Variants in RALGAPA2 observed in about 807,000 individuals in gnomAD.
RALGAPA2 encodes the protein Ral GTPase activating protein catalytic subunit alpha 2.
RALGAPA2 carries 139 observed loss-of-function variants against 230.4 expected under a neutral mutation model. That is an observed-to-expected ratio of 0.60 (90% CI 0.53 to 0.69). The LOEUF (loss-of-function observed/expected upper bound fraction) is 0.69. Ranked by LOEUF, RALGAPA2 falls within the 30% of genes least tolerant of loss-of-function variation. The pLI is 0.00. For missense variants in RALGAPA2, 2,163 were observed against 2,276.0 expected (o/e 0.95, Z 1.01); for synonymous variants, 847 against 837.8 (o/e 1.01, Z -0.19).
At chr20:20,446,200 A>T (rs1278095492) in intron 37 of RALGAPA2, among the ~76,000 whole-genome samples, 1 of 152,212 alleles carries the variant, frequency 6.6e-6, no homozygotes, top group Non-Finnish European at 1.5e-5. Flanking sequence ...GTGAACTGTT[A>T]AAACTCACAT....
chr20:20,664,029 G>C (rs2067873422), intron 3 of RALGAPA2, among the ~76,000 whole-genome samples: 1 of 152,226 alleles, frequency 6.6e-6, no homozygotes, highest in Admixed American at 6.5e-5. Context: ...CTGGACAAAA[G>C]AATGATTCAT....
intron 12 of RALGAPA2, among the ~76,000 whole-genome samples, chr20:20,618,323 ACGCAGGTC>A (rs1483851053): frequency 6.6e-6 from 1 of 152,256 alleles, no homozygotes; most frequent in Non-Finnish European, 1.5e-5. Context: ...TCTGATGGGG[ACGCAGGTC>A]ATACTTATGA....
intron 24 of RALGAPA2, among the ~76,000 whole-genome samples, chr20:20,544,423 G>A (rs1274074385): frequency 1.3e-5 from 2 of 152,066 alleles, no homozygotes; most frequent in Non-Finnish European, 2.9e-5. Flanking sequence ...TGGTGGGAGT[G>A]TAAATTAGTT....
intron 4 of RALGAPA2, among the ~76,000 whole-genome samples, chr20:20,651,585 C>T (rs1229393400): frequency 6.6e-6 from 1 of 152,124 alleles, no homozygotes. Context: ...CTTGTACCAG[C>T]AATTTTAACC....
At chr20:20,587,597 T>C (rs1332889045) in intron 18 of RALGAPA2, among the ~76,000 whole-genome samples, 1 of 152,028 alleles carries the variant, frequency 6.6e-6, no homozygotes. Flanking sequence ...TCCTGTGTAG[T>C]TGAGACTTTT....
At chr20:20,429,119 C>T (rs2060450848) in intron 37 of RALGAPA2, among the ~76,000 whole-genome samples, 1 of 152,056 alleles carries the variant, frequency 6.6e-6, no homozygotes, top group Non-Finnish European at 1.5e-5. Flanking sequence ...CCATTGGGTC[C>T]TCCTGCAAAA....
intron 23 of RALGAPA2, among the ~76,000 whole-genome samples, chr20:20,565,932 A>G (rs1320572142): frequency 6.6e-6 from 1 of 152,184 alleles, no homozygotes; most frequent in Non-Finnish European, 1.5e-5. Context: ...AGAGACTTCT[A>G]TGAGGGTGTT....
chr20:20,572,958 C>T lies in RALGAPA2; in HGVS notation c.2818G>A (p.Gly940Arg), dbSNP rs764169666. 30 of 1,595,428 alleles carry T rather than the reference C, an allele frequency of 1.9e-5. No homozygotes were observed. The highest frequency in any genetic ancestry group is 3.5e-5 in the Admixed American group (2 of 57,570). The change falls in exon 21 of 40, where the codon GGA (glycine) becomes AGA (arginine). Residue 940 changes from glycine (G) to arginine (R), a missense_variant. Physicochemically the swap from Gly to Arg is moderately radical, Grantham distance 125. Coordinates refer to ENST00000202677, the MANE Select transcript of RALGAPA2 (RefSeq NM_020343.4). ...VLWRRVLGIL[G>R]DVNNIQSPKI... ...GGTGACTGGATGTTATTCACATCTCCGAGGATCCCCAAGACCCTTCGCCAT... is the reference window on the plus strand; with the variant it reads ...GGTGACTGGATGTTATTCACATCTCTGAGGATCCCCAAGACCCTTCGCCAT...
chr20:20,440,158 T>C (rs1230781558), intron 37 of RALGAPA2, among the ~76,000 whole-genome samples: 1 of 152,150 alleles, frequency 6.6e-6, no homozygotes, highest in Admixed American at 6.5e-5. Flanking sequence ...GTGAGTTAAA[T>C]ATAGATGCTT....
intron 37 of RALGAPA2, among the ~76,000 whole-genome samples, chr20:20,413,833 C>T (rs1381460417): frequency 5.3e-5 from 8 of 152,248 alleles, no homozygotes; most frequent in African/African-American, 1.4e-4. Context: ...CCTGAACTGG[C>T]TTCTTGACTG....
chr20:20,550,743 T>A (rs1418713542), intron 23 of RALGAPA2, among the ~76,000 whole-genome samples: 1 of 152,166 alleles, frequency 6.6e-6, no homozygotes, highest in African/African-American at 2.4e-5. Flanking sequence ...GAAATGATAC[T>A]CCCTTACGGA....
At chr20:20,467,552 G>A (rs1433327154) in intron 37 of RALGAPA2, among the ~76,000 whole-genome samples, 1 of 152,066 alleles carries the variant, frequency 6.6e-6, no homozygotes, top group African/African-American at 2.4e-5. Flanking sequence ...TGGAGCTTAG[G>A]TGCAAGAGCC....
At chr20:20,711,872 T>TG (rs1011370900) in intron 1 of RALGAPA2, among the ~76,000 whole-genome samples, 1 of 151,960 alleles carries the variant, frequency 6.6e-6, no homozygotes. Context: ...TCGGTCTATA[T>TG]GGGGGTCTCA....
intron 37 of RALGAPA2, among the ~76,000 whole-genome samples, chr20:20,460,073 G>A (rs891572805): frequency 6.6e-6 from 1 of 152,158 alleles, no homozygotes; most frequent in Non-Finnish European, 1.5e-5. Flanking sequence ...TTGGTTGCAG[G>A]AAGAACACAG....
chr20:20,454,707 G>C (rs1163509157), intron 37 of RALGAPA2, among the ~76,000 whole-genome samples: 1 of 152,172 alleles, frequency 6.6e-6, no homozygotes, highest in African/African-American at 2.4e-5. Context: ...GGGAAAGACA[G>C]ATCTTCACTC....
intron 37 of RALGAPA2, among the ~76,000 whole-genome samples, chr20:20,443,055 T>C (rs570956613): frequency 3.3e-4 from 50 of 152,356 alleles, no homozygotes; most frequent in South Asian, 1.2e-3. Context: ...GATTTTACAA[T>C]AGCTGCATTT....
rs2059589152 is a variant in RALGAPA2 at position 20,390,699 on chromosome 20, A to AAT, written c.*2588_*2589dup. On this transcript the variant is annotated 3_prime_UTR_variant, in exon 40 of 40. Transcript: ENST00000202677. ...TATTTGCTTTTCTAAGTAAAAAAAA[A>AAT]ATAAAAAAGAAACTTGATCATTGCA... 1 of 152,208 alleles carries AAT rather than the reference A, an allele frequency of 6.6e-6. No homozygotes were observed. The highest frequency in any genetic ancestry group is 1.5e-5 in the Non-Finnish European group (1 of 68,038). 9.4% of individuals were successfully genotyped at this position (152,208 alleles called of 1,614,324 possible).
At chr20:20,617,999 TG>T (rs1278555665) in intron 12 of RALGAPA2, among the ~76,000 whole-genome samples, 1 of 152,184 alleles carries the variant, frequency 6.6e-6, no homozygotes, top group African/African-American at 2.4e-5. Context: ...TTGTTGGAAA[TG>T]ATGACTTTAA....
At chr20:20,446,848 C>T (rs1366171149) in intron 37 of RALGAPA2, among the ~76,000 whole-genome samples, 1 of 152,180 alleles carries the variant, frequency 6.6e-6, no homozygotes, top group Admixed American at 6.5e-5. Context: ...GCCTCTTTGG[C>T]TGGCTGTGCC....
Sources: allele counts gnomAD v4.1 joint callset (sites outside exome capture counted in the v4.1 genomes callset), GRCh38; gene constraint gnomAD v4.1.1; transcripts MANE v1.5; gene names NCBI Gene and HGNC (gene_info 2026-07-23, HGNC 2026-07-21).